MAGEC1: variants seen among roughly 807,000 people sequenced by gnomAD.
The protein encoded by MAGEC1 is melanoma-associated antigen C1.
In MAGEC1, 3 loss-of-function variants were observed where a neutral mutation model predicts 1.5. The observed-to-expected ratio is 1.97, with a 90% CI of 0.90 to 5.10. The LOEUF (loss-of-function observed/expected upper bound fraction) is 5.10, where lower values mean the gene tolerates loss of function less well. MAGEC1 is among the 30% of genes most tolerant of loss of function. The probability of loss-of-function intolerance (pLI) is 0.02; values close to 1 mark genes in which losing one functional copy is unlikely to be tolerated. For missense variants in MAGEC1, 985 were observed against 803.1 expected (o/e 1.23, Z -2.74); for synonymous variants, 357 against 310.4 (o/e 1.15, Z -1.58).
chrX:141,905,382 C>T (rs756203325), intron 3 of MAGEC1, 27 bp from the exon 4 acceptor site: 30 of 1,173,280 alleles, frequency 2.6e-5, no homozygotes, highest in Non-Finnish European at 3.2e-5. Context: ...TCATCCTCAT[C>T]CTCCTCTCTG....
rs905234040 is a variant in MAGEC1 at position 141,906,406 on chromosome X, C to T, written c.1002C>T (p.Pro334=). The stretch of plus-strand genomic sequence containing the variant: ...CTCACAGTACTTTTGAGGGTTTTCC[C>T]CAGTCTCTTCTCCAGATTCCTATGA... ...ERTHSTFEGF[P]QSLLQIPMTS... Residue 334 remains proline, a synonymous_variant, in exon 4 of 4, where the codon CCC becomes CCT. Transcript: ENST00000285879. The T allele has an allele frequency of 3.4e-6, 4 of 1,191,443 alleles. No individual in the cohort carries two copies. The highest frequency in any genetic ancestry group is 4.5e-6 in the Non-Finnish European group (4 of 880,170).
In MAGEC1 at chrX:141,907,977, TCTC is replaced by T. The variant is rs1927000808; in HGVS notation, c.2581_2583del (p.Ser861del). 2.5e-6 allele frequency: 3 copies of T among 1,209,510 alleles called. No individual in the cohort carries two copies. The highest frequency in any genetic ancestry group is 3.4e-6 in the Non-Finnish European group (3 of 895,076). On this transcript the variant is annotated inframe_deletion, in exon 4 of 4. Transcript: ENST00000285879. ...CCTCTCCAGAGTCCTGTGATCTCCTTCTCCTCCTCCACTTCATTGAGCCCATTC... is the reference window on the plus strand; with the variant it reads ...CCTCTCCAGAGTCCTGTGATCTCCTTCTCCTCCACTTCATTGAGCCCATTC...
Position 141,907,590 on chromosome X carries a change from T to C in MAGEC1, c.2186T>C (p.Phe729Ser), listed in dbSNP as rs1256555677. The C allele has an allele frequency of 8.6e-7, 1 of 1,169,216 alleles. No homozygotes were observed. The highest frequency in any genetic ancestry group is 2.3e-5 in the Admixed American group (1 of 42,559). ...DSLSPLHFPQ[F>S]PPQGEDFQSS... ...CTCTCTCCTCTCCACTTTCCTCAGT[T>C]TCCTCCTCAGGGGGAGGACTTCCAG... The change falls in exon 4 of 4, where the codon TTT (phenylalanine) becomes TCT (serine). Residue 729 changes from phenylalanine to serine, a missense_variant. Physicochemically the swap from Phe to Ser is radical, Grantham distance 155. Transcript: ENST00000285879.
Position 141,907,384 on chromosome X carries a change from C to A in MAGEC1, c.1980C>A (p.Leu660=), listed in dbSNP as rs1422272296. 3 of 1,206,158 alleles carry A rather than the reference C, an allele frequency of 2.5e-6. No individual in the cohort carries two copies. Among genetic ancestry groups the A allele is most frequent in the Non-Finnish European group, 3.4e-6 (3 of 893,474 alleles). The part of the protein sequence containing the change: ...SPPEGPVQSP[L]HSPQSPPEGM... ...CTGAGGGGCCTGTCCAGTCTCCTCT[C>A]CATAGTCCTCAGAGCCCTCCTGAGG... The change falls in exon 4 of 4, where the codon CTC becomes CTA. Residue 660 remains leucine, a synonymous_variant. Coordinates refer to ENST00000285879, the MANE Select transcript of MAGEC1 (RefSeq NM_005462.5).
chrX:141,906,776 C>T lies in MAGEC1; in HGVS notation c.1372C>T (p.Leu458Phe). 8.4e-6 allele frequency: 10 copies of T among 1,195,017 alleles called. No individual in the cohort carries two copies. The highest frequency in any genetic ancestry group is 1.1e-5 in the Non-Finnish European group (10 of 885,387). ...CTCTTTCTCCTACACTTTATTGAGT[C>T]TTTTCCAGAGTTCCCCTGAGAGAAC... Reference protein sequence around the residue: ...SSSFSYTLLSLFQSSPERTHS... With the variant: ...SSSFSYTLLSFFQSSPERTHS... Residue 458 changes from leucine (L) to phenylalanine (F), a missense_variant, in exon 4 of 4, where the codon CTT (leucine) becomes TTT (phenylalanine). By Grantham distance (22) the Leu-to-Phe change is conservative. Coordinates refer to ENST00000285879, the MANE Select transcript of MAGEC1 (RefSeq NM_005462.5).
In MAGEC1 at chrX:141,906,675, T is replaced by C. The variant is rs1470122407; in HGVS notation, c.1271T>C (p.Leu424Ser). Residue 424 changes from leucine to serine, a missense_variant, in exon 4 of 4, where the codon TTA becomes TCA. Coordinates refer to ENST00000285879, the MANE Select transcript of MAGEC1 (RefSeq NM_005462.5). The stretch of plus-strand genomic sequence containing the variant: ...TTCTCCTCTACTTTATTGAGTATTT[T>C]ACAGAGTTCTCCTGAGAGTGCTCAA... ...SSFSSTLLSI[L>S]QSSPESAQSA... 2 of 1,203,408 alleles carry C rather than the reference T, an allele frequency of 1.7e-6. No individual in the cohort carries two copies. Among genetic ancestry groups the C allele is most frequent in the Non-Finnish European group, 2.2e-6 (2 of 891,026 alleles).
chrX:141,905,350 G>A (rs1286760078), intron 3 of MAGEC1, 59 bp from the exon 4 acceptor site: 7 of 1,062,157 alleles, frequency 6.6e-6, no homozygotes, highest in African/African-American at 1.8e-5. Context: ...TATTCCCCTC[G>A]TCCTCCTCCT....
Position 141,905,398 on chromosome X carries a change from G to T in MAGEC1, c.5-11G>T, listed in dbSNP as rs755269626. On this transcript the variant is annotated splice_polypyrimidine_tract_variant and intron_variant, in intron 3 of 3. Coordinates refer to ENST00000285879, the MANE Select transcript of MAGEC1 (RefSeq NM_005462.5). ...CATCCTCATCCTCCTCTCTGCTTCTGCGTTCTCCAGGGGACAAGGATATGC... is the reference window on the plus strand; with the variant it reads ...CATCCTCATCCTCCTCTCTGCTTCTTCGTTCTCCAGGGGACAAGGATATGC... 2 of 1,197,932 alleles carry T rather than the reference G, an allele frequency of 1.7e-6. No individual in the cohort carries two copies. The highest frequency in any genetic ancestry group is 5.9e-5 in the East Asian group (2 of 33,674).
chrX:141,906,318 T>G lies in MAGEC1; in HGVS notation c.914T>G (p.Ile305Ser). 1 of 1,108,112 alleles carries G rather than the reference T, an allele frequency of 9.0e-7. No homozygotes were observed. Among genetic ancestry groups the G allele is most frequent in the Non-Finnish European group, 1.2e-6 (1 of 813,187 alleles). 91.3% of individuals were successfully genotyped at this position (1,108,112 alleles called of 1,213,427 possible). A position where few individuals can be genotyped will look rare whatever the true frequency, so the allele number is the denominator to read the frequency against. Residue 305 changes from isoleucine to serine, a missense_variant, in exon 4 of 4, where the codon ATT becomes AGT. By Grantham distance (142) the Ile-to-Ser change is moderately radical (BLOSUM62 -2). Transcript: ENST00000285879. ...FEGFPQSPLQ[I>S]PVSSSSSSTL... ...GGTTTTCCCCAGTCTCCTCTCCAGA[T>G]TCCTGTGAGCTCCTCCTCCTCCTCC...
At position 141,908,877 on chromosome X, in the gene MAGEC1, G is replaced by A. The variant is rs781277363; in HGVS notation, c.*44G>A. ...CCCTCTGAGTTTGAAGGGGGCAGTC[G>A]AGTTTCTACGTGGTGGAGGGCCTGG... On this transcript the variant is annotated 3_prime_UTR_variant, in exon 4 of 4. Transcript: ENST00000285879. 11 of 1,089,272 alleles carry A rather than the reference G, an allele frequency of 1.0e-5. No individual in the cohort carries two copies. Among genetic ancestry groups the A allele is most frequent in the Admixed American group, 2.7e-5 (1 of 36,590 alleles). 89.8% of individuals were successfully genotyped at this position (1,089,272 alleles called of 1,213,427 possible).
chrX:141,905,884 G>C lies in MAGEC1; in HGVS notation c.480G>C (p.Gln160His). ...STQSPFEGFPQSVLQIPVSAA... is the reference protein window; with the variant it reads ...STQSPFEGFPHSVLQIPVSAA... ...AAAGTCCTTTTGAGGGTTTTCCCCA[G>C]TCTGTTCTCCAGATTCCTGTGAGCG... The change falls in exon 4 of 4, where the codon CAG (glutamine) becomes CAC (histidine). Residue 160 changes from glutamine to histidine, a missense_variant. Physicochemically the swap from Gln to His is conservative, Grantham distance 24. Transcript: ENST00000285879. 1 of 1,198,650 alleles carries C rather than the reference G, an allele frequency of 8.3e-7. No individual in the cohort carries two copies.
rs369690677 is a variant in MAGEC1, at chrX:141,907,768, G to A, written c.2364G>A (p.Ala788=). The part of the protein sequence containing the change: ...PVSSFFSYTL[A]SLLQSSHESP... ...GCTCCTTCTTCTCCTACACTTTAGC[G>A]AGTCTTCTCCAAAGTTCCCATGAGA... The change falls in exon 4 of 4, where the codon GCG becomes GCA. Residue 788 remains alanine, a synonymous_variant. Coordinates refer to ENST00000285879, the MANE Select transcript of MAGEC1 (RefSeq NM_005462.5). The A allele has an allele frequency of 4.2e-5, 51 of 1,205,839 alleles. No individual in the cohort carries two copies. Among genetic ancestry groups the A allele is most frequent in the Non-Finnish European group, 5.4e-5 (48 of 893,751 alleles).
At position 141,907,986 on chromosome X, in the gene MAGEC1, C is replaced by T. The variant is rs775577542; in HGVS notation, c.2582C>T (p.Ser861Phe). The T allele has an allele frequency of 8.3e-7, 1 of 1,210,252 alleles. No homozygotes were observed. The highest frequency in any genetic ancestry group is 1.7e-5 in the African/African-American group (1 of 57,201). The change falls in exon 4 of 4, where the codon TCC becomes TTC. Residue 861 changes from serine to phenylalanine, a missense_variant. Transcript: ENST00000285879. ...AGTCCTGTGATCTCCTTCTCCTCCT[C>T]CACTTCATTGAGCCCATTCAGTGAA... ...LQSPVISFSS[S>F]TSLSPFSEES...
chrX:141,907,258 G>T lies in MAGEC1; in HGVS notation c.1854G>T (p.Gly618=). The T allele has an allele frequency of 8.3e-7, 1 of 1,210,318 alleles. No homozygotes were observed. The highest frequency in any genetic ancestry group is 1.1e-6 in the Non-Finnish European group (1 of 895,078). Residue 618 remains glycine (G), a synonymous_variant, in exon 4 of 4, where the codon GGG becomes GGT. Transcript: ENST00000285879. ...ACTTTCCTCAGAGTCCTCTTCAGGG[G>T]GAGGAATTCCAGTCTTCTCTCCAGA... ...PLYFPQSPLQ[G]EEFQSSLQSP...
rs111723844 is a variant in MAGEC1, at chrX:141,907,209, G to A, written c.1805G>A (p.Gly602Glu). 12 of 1,207,225 alleles carry A rather than the reference G, an allele frequency of 9.9e-6. No individual in the cohort carries two copies. The African/African-American group carries it at 1.6e-4, about 16-fold the overall frequency. The change falls in exon 4 of 4, where the codon GGG becomes GAG. Residue 602 changes from glycine to glutamate, a missense_variant. Coordinates refer to ENST00000285879, the MANE Select transcript of MAGEC1 (RefSeq NM_005462.5). ...PHYFPQSPPQ[G>E]EDSMSPLYFP... is the part of the protein sequence containing the mutation. ...TACTTTCCTCAGAGCCCTCCTCAGG[G>A]GGAGGACTCCATGTCTCCTCTCTAC...
In MAGEC1 at chrX:141,908,251, C is replaced by G. The variant is rs772405336; in HGVS notation, c.2847C>G (p.Ile949Met). The change falls in exon 4 of 4, where the codon ATC becomes ATG. Residue 949 changes from isoleucine (I) to methionine (M), a missense_variant. Transcript: ENST00000285879. ...ISRYTGYFPV[I>M]FRKAREFIEI... ...GGTACACGGGCTACTTTCCTGTGAT[C>G]TTCAGGAAAGCCCGTGAGTTCATAG... 1 of 1,211,343 alleles carries G rather than the reference C, an allele frequency of 8.3e-7. No individual in the cohort carries two copies. The highest frequency in any genetic ancestry group is 1.8e-5 in the South Asian group (1 of 56,956).
In MAGEC1 at chrX:141,908,270, T is replaced by A. The variant is rs766205223; in HGVS notation, c.2866T>A (p.Phe956Ile). Reference sequence around the variant, plus strand: ...TGTGATCTTCAGGAAAGCCCGTGAGTTCATAGAGATACTTTTTGGCATTTC... The same window carrying A: ...TGTGATCTTCAGGAAAGCCCGTGAGATCATAGAGATACTTTTTGGCATTTC... Reference protein sequence around the residue: ...FPVIFRKAREFIEILFGISLR... With the variant: ...FPVIFRKAREIIEILFGISLR... The change falls in exon 4 of 4, where the codon TTC (phenylalanine) becomes ATC (isoleucine). Residue 956 changes from phenylalanine (F) to isoleucine (I), a missense_variant. By Grantham distance (21) the Phe-to-Ile change is conservative. Coordinates refer to ENST00000285879, the MANE Select transcript of MAGEC1 (RefSeq NM_005462.5). The A allele has an allele frequency of 8.3e-7, 1 of 1,211,108 alleles. No homozygotes were observed. Among genetic ancestry groups the A allele is most frequent in the Non-Finnish European group, 1.1e-6 (1 of 895,260 alleles).
At position 141,908,187 on chromosome X, in the gene MAGEC1, C is replaced by CGA. The variant is rs1201945602; in HGVS notation, c.2783_2784insGA (p.Thr930SerfsTer7). The CGA allele has an allele frequency of 8.3e-7, 1 of 1,209,984 alleles. No homozygotes were observed. The highest frequency in any genetic ancestry group is 1.7e-5 in the African/African-American group (1 of 57,150). ...CTCCTCAAATATCAAGTGAAGCAGC[C>CGA]TATCACAAAGGCAGAGATGCTGACG... On this transcript the variant is annotated frameshift_variant, in exon 4 of 4. Coordinates refer to ENST00000285879, the MANE Select transcript of MAGEC1 (RefSeq NM_005462.5). LOFTEE classifies it low-confidence loss of function (END_TRUNC).
Position 141,907,303 on chromosome X carries a change from C to G in MAGEC1, c.1899C>G (p.Ser633=), listed in dbSNP as rs1569477908. 1.7e-6 allele frequency: 2 copies of G among 1,208,217 alleles called. No individual in the cohort carries two copies. The highest frequency in any genetic ancestry group is 3.5e-5 in the African/African-American group (2 of 56,666). Residue 633 remains serine, a synonymous_variant, in exon 4 of 4, where the codon TCC becomes TCG. Coordinates refer to ENST00000285879, the MANE Select transcript of MAGEC1 (RefSeq NM_005462.5). ...TCCAGAGCCCTGTGAGCATCTGCTC[C>G]TCCTCCACTCCATCCAGTCTTCCCC... ...SSLQSPVSIC[S]SSTPSSLPQS... is the part of the protein sequence containing the mutation.
Sources: gnomAD v4.1 joint callset for allele counts on GRCh38, gnomAD v4.1.1 for gene constraint, MANE v1.5 for transcripts, NCBI Gene and HGNC (gene_info 2026-07-23, HGNC 2026-07-21) for gene names.